SLC30A8: variants seen among roughly 807,000 people sequenced by gnomAD.
SLC30A8 encodes solute carrier family 30 member 8, also known as proton-coupled zinc antiporter SLC30A8.
A neutral mutation model predicts 36.9 loss-of-function variants in SLC30A8; 27 were observed. The observed-to-expected ratio is 0.73, with a 90% CI of 0.54 to 1.01. The LOEUF is 1.01. Ranked by LOEUF, SLC30A8 falls within the 50% of genes least tolerant of loss-of-function variation. SLC30A8 has a pLI of 0.00. For synonymous variants in SLC30A8, 164 were observed against 172.4 expected, an observed-to-expected ratio of 0.95 and a Z score of 0.38; for missense variants, 439 against 452.0, an observed-to-expected ratio of 0.97 and a Z score of 0.26.
At chr8:117,054,582 A>G (rs1254211608) in intron 2 of SLC30A8, among the ~76,000 whole-genome samples, 1 of 151,892 alleles carries the variant, frequency 6.6e-6, no homozygotes, top group East Asian at 1.9e-4. Flanking sequence ...TTAGCACTGA[A>G]CAAGTTTCTA....
chr8:117,042,486 G>A (rs1446602636), intron 2 of SLC30A8, among the ~76,000 whole-genome samples: 2 of 152,078 alleles, frequency 1.3e-5, no homozygotes, highest in Non-Finnish European at 2.9e-5. Context: ...ATGTATCTGT[G>A]TATGTGAGGC....
chr8:117,028,414 T>C (rs1360617054), intron 1 of SLC30A8, among the ~76,000 whole-genome samples: 1 of 152,192 alleles, frequency 6.6e-6, no homozygotes, highest in East Asian at 1.9e-4. Flanking sequence ...AACATGGCAC[T>C]GTTGCCCCTG....
chr8:117,170,890 C>A, intron 6 of SLC30A8, 144 bp from the exon 7 acceptor site: 1 of 659,810 alleles, frequency 1.5e-6, no homozygotes, highest in Admixed American at 3.1e-5. Flanking sequence ...TCAGGTAAAT[C>A]TTATTTGTAA....
rs143473222 is a variant in SLC30A8, at chr8:116,992,038, C to T, written c.-266+40919C>T. ...TCTGGCGAATACTTCTGGCTTTTTA[C>T]GTGTTACTTATTAACTAAGAATATT... On this transcript the variant is annotated intron_variant, in intron 1 of 10. Coordinates refer to the SLC30A8 transcript ENST00000427715. Among the ~76,000 whole-genome samples, 278 of 152,208 alleles carry T rather than the reference C, an allele frequency of 1.8e-3. 2 individuals are homozygous for T. The highest frequency in any genetic ancestry group is 6.1e-3 in the African/African-American group (252 of 41,526).
chr8:117,041,817 A>G (rs968746907), intron 2 of SLC30A8, among the ~76,000 whole-genome samples: 3 of 152,246 alleles, frequency 2.0e-5, no homozygotes, highest in African/African-American at 7.2e-5. Context: ...GTGAGAAGTG[A>G]GTTGCTTCTG....
At chr8:116,989,604 G>C (rs1199523260) in intron 1 of SLC30A8, among the ~76,000 whole-genome samples, 1 of 152,002 alleles carries the variant, frequency 6.6e-6, no homozygotes, top group Non-Finnish European at 1.5e-5. Context: ...CTCATCTCAA[G>C]ACTATTGTCA....
intron 2 of SLC30A8, among the ~76,000 whole-genome samples, chr8:117,094,697 C>T (rs1000315749): frequency 6.6e-6 from 1 of 152,204 alleles, no homozygotes; most frequent in Non-Finnish European, 1.5e-5. Context: ...AGGCTTCAGG[C>T]TCTCCCTGGC....
At chr8:117,010,515 C>T (rs1015142105) in intron 1 of SLC30A8, among the ~76,000 whole-genome samples, 1 of 152,156 alleles carries the variant, frequency 6.6e-6, no homozygotes, top group African/African-American at 2.4e-5. Flanking sequence ...AGGCAACGGT[C>T]GAAAAGCATT....
chr8:117,010,374 G>A (rs990923385), intron 1 of SLC30A8, among the ~76,000 whole-genome samples: 10 of 152,130 alleles, frequency 6.6e-5, no homozygotes, highest in Non-Finnish European at 7.4e-5. Flanking sequence ...TCATACCCTC[G>A]GGTTAGAATC....
chr8:117,069,303 C>G (rs1367223316), intron 2 of SLC30A8, among the ~76,000 whole-genome samples: 1 of 152,050 alleles, frequency 6.6e-6, no homozygotes, highest in East Asian at 1.9e-4. Flanking sequence ...CGTGGTGTTC[C>G]AAAATTTAAA....
chr8:117,098,693 A>C, intron 2 of SLC30A8, among the ~76,000 whole-genome samples: 1 of 152,166 alleles, frequency 6.6e-6, no homozygotes. Flanking sequence ...ATGGGGCACA[A>C]AGAAATGCCA....
chr8:117,120,387 A>G (rs931546012), intron 2 of SLC30A8, among the ~76,000 whole-genome samples: 1 of 151,950 alleles, frequency 6.6e-6, no homozygotes, highest in African/African-American at 2.4e-5. Context: ...TCTTCAACAA[A>G]TGATGTTGGG....
At chr8:116,958,784 A>ACTTATATG (rs1814307055) in intron 1 of SLC30A8, among the ~76,000 whole-genome samples, 1 of 147,232 alleles carries the variant, frequency 6.8e-6, no homozygotes, top group East Asian at 2.0e-4. Flanking sequence ...TGGAGAATCT[A>ACTTATATG]CTTATATGTA....
chr8:116,969,887 A>G (rs1321494257), intron 1 of SLC30A8, among the ~76,000 whole-genome samples: 5 of 152,206 alleles, frequency 3.3e-5, no homozygotes, highest in Non-Finnish European at 5.9e-5. Context: ...GTGAAGGCCT[A>G]GGTCATTACT....
At chr8:116,990,824 T>G (rs1407537346) in intron 1 of SLC30A8, among the ~76,000 whole-genome samples, 3 of 152,196 alleles carry the variant, frequency 2.0e-5, no homozygotes, top group Non-Finnish European at 4.4e-5. Flanking sequence ...TCTTTGCAAC[T>G]TTCTGTAAAT....
At chr8:117,012,820 C>T (rs1285452523) in intron 1 of SLC30A8, among the ~76,000 whole-genome samples, 1 of 151,072 alleles carries the variant, frequency 6.6e-6, no homozygotes, top group Non-Finnish European at 1.5e-5. Flanking sequence ...TTCTTATAAT[C>T]TTATAATACT....
In SLC30A8 at chr8:117,149,346, CTAT is replaced by C. The variant is rs571944625; in HGVS notation, c.271+2198_271+2200del. ...TGCATTTTTGGCATTATGATAGTAG[CTAT>C]TATTTATTTAATGCTTACTATGTGT... is the stretch of plus-strand genomic sequence containing the variant. On this transcript the variant is annotated intron_variant, in intron 2 of 7. Coordinates refer to ENST00000456015, the MANE Select transcript of SLC30A8 (RefSeq NM_173851.3). Among the ~76,000 whole-genome samples the C allele has an allele frequency of 3.0e-4, 46 of 152,198 alleles. No individual in the cohort carries two copies. In the South Asian group the frequency reaches 4.8e-3, roughly 16 times the overall value.
chr8:117,071,123 CTGTTG>C (rs1486448533), intron 2 of SLC30A8, among the ~76,000 whole-genome samples: 7 of 152,190 alleles, frequency 4.6e-5, no homozygotes, highest in African/African-American at 1.7e-4. Context: ...AGCCTCCATA[CTGTTG>C]TCCATAATGG....
At chr8:117,034,327 C>T (rs1817145008) in intron 1 of SLC30A8, among the ~76,000 whole-genome samples, 1 of 152,182 alleles carries the variant, frequency 6.6e-6, no homozygotes, top group Admixed American at 6.5e-5. Context: ...AATACTCCCA[C>T]ATCCAGTCCT....
Sources: allele counts gnomAD v4.1 joint callset (sites outside exome capture counted in the v4.1 genomes callset), GRCh38; gene constraint gnomAD v4.1.1; transcripts MANE v1.5; gene names NCBI Gene and HGNC (gene_info 2026-07-23, HGNC 2026-07-21).